GALNTL6: variants seen among roughly 807,000 people sequenced by gnomAD.
GALNTL6 encodes polypeptide N-acetylgalactosaminyltransferase like 6, also known as polypeptide N-acetylgalactosaminyltransferase-like 6.
In GALNTL6, 46 loss-of-function variants were observed where a neutral mutation model predicts 73.7. The observed-to-expected ratio is 0.62, with a 90% CI of 0.49 to 0.80. The LOEUF (loss-of-function observed/expected upper bound fraction) is 0.80. Ranked by LOEUF, GALNTL6 falls within the 30% of genes least tolerant of loss-of-function variation. GALNTL6 has a pLI of 0.00. For synonymous variants in GALNTL6, 259 were observed against 263.7 expected (o/e 0.98, Z 0.17); for missense variants, 604 against 755.0 (o/e 0.80, Z 2.34).
chr4:172,450,511 G>T (rs1171582138), intron 5 of GALNTL6, among the ~76,000 whole-genome samples: 1 of 152,134 alleles, frequency 6.6e-6, no homozygotes, highest in South Asian at 2.1e-4. Context: ...CTTGCATTTA[G>T]TTCAACGTAC....
At chr4:172,276,410 A>G (rs1738834657) in intron 3 of GALNTL6, among the ~76,000 whole-genome samples, 1 of 152,140 alleles carries the variant, frequency 6.6e-6, no homozygotes, top group Non-Finnish European at 1.5e-5. Context: ...TTATCTAACT[A>G]TTGCTTTTTT....
chr4:171,966,043 C>T (rs1460604059), intron 2 of GALNTL6, among the ~76,000 whole-genome samples: 2 of 152,150 alleles, frequency 1.3e-5, no homozygotes, highest in Non-Finnish European at 2.9e-5. Context: ...AGGGTGTCAT[C>T]TCTTATCTTT....
chr4:172,476,369 A>T (rs906203463), intron 5 of GALNTL6, among the ~76,000 whole-genome samples: 1 of 152,184 alleles, frequency 6.6e-6, no homozygotes, highest in Non-Finnish European at 1.5e-5. Flanking sequence ...CAAAGGCCCC[A>T]CATCCCGATA....
chr4:172,322,393 A>T (rs766446774), intron 4 of GALNTL6, among the ~76,000 whole-genome samples: 2 of 152,192 alleles, frequency 1.3e-5, no homozygotes, highest in Admixed American at 6.5e-5. Context: ...AGACCCATAC[A>T]AATTCACCAC....
chr4:172,793,422 G>A (rs752617496), intron 5 of GALNTL6, among the ~76,000 whole-genome samples: 12 of 152,172 alleles, frequency 7.9e-5, no homozygotes, highest in South Asian at 6.2e-4. Context: ...TTGTCTGTCC[G>A]AAGACAGTGG....
chr4:172,518,804 G>A (rs1053920076), intron 5 of GALNTL6, among the ~76,000 whole-genome samples: 35 of 151,766 alleles, frequency 2.3e-4, no homozygotes, highest in African/African-American at 7.7e-4. Flanking sequence ...TGTAATTAAG[G>A]TATAGTTATT....
chr4:172,306,779 C>T (rs1346826201), intron 3 of GALNTL6, among the ~76,000 whole-genome samples: 1 of 152,232 alleles, frequency 6.6e-6, no homozygotes, highest in African/African-American at 2.4e-5. Flanking sequence ...CAGGTTGCTA[C>T]AAATGCCATT....
chr4:172,925,844 G>A (rs548299617), intron 8 of GALNTL6, among the ~76,000 whole-genome samples: 6 of 152,274 alleles, frequency 3.9e-5, no homozygotes, highest in African/African-American at 1.4e-4. Context: ...TACAGTAAAT[G>A]TATGTTGTTT....
chr4:172,915,622 C>T (rs894903421), intron 8 of GALNTL6, among the ~76,000 whole-genome samples: 13 of 152,172 alleles, frequency 8.5e-5, no homozygotes, highest in African/African-American at 3.1e-4. Flanking sequence ...ATAAACACTT[C>T]TACGCAAATA....
intron 5 of GALNTL6, among the ~76,000 whole-genome samples, chr4:172,378,878 A>T (rs1743152240): frequency 6.6e-6 from 1 of 152,182 alleles, no homozygotes; most frequent in African/African-American, 2.4e-5. Context: ...TAATTTTATT[A>T]AGTGTTTTAT....
intron 2 of GALNTL6, among the ~76,000 whole-genome samples, chr4:172,218,923 G>C (rs1321000841): frequency 6.6e-6 from 1 of 151,576 alleles, no homozygotes; most frequent in African/African-American, 2.4e-5. Flanking sequence ...TAATAAATAA[G>C]TAAATAATAA....
At chr4:172,957,630 A>C (rs1343559627) in intron 10 of GALNTL6, among the ~76,000 whole-genome samples, 1 of 152,208 alleles carries the variant, frequency 6.6e-6, no homozygotes, top group Non-Finnish European at 1.5e-5. Flanking sequence ...GGCTTTGAGA[A>C]GCGTTTTTAT....
intron 2 of GALNTL6, among the ~76,000 whole-genome samples, chr4:172,161,030 A>G (rs1006156713): frequency 2.6e-5 from 4 of 151,896 alleles, no homozygotes; most frequent in Admixed American, 6.6e-5. Flanking sequence ...TGAAAGATGT[A>G]ATAATCAATG....
chr4:172,700,286 A>C (rs903324656), intron 5 of GALNTL6, among the ~76,000 whole-genome samples: 3 of 152,178 alleles, frequency 2.0e-5, no homozygotes, highest in African/African-American at 7.2e-5. Context: ...ATTGTTGAAG[A>C]AAAATGCAGT....
At chr4:171,906,848 A>T (rs1383891350) in intron 2 of GALNTL6, among the ~76,000 whole-genome samples, 2 of 152,198 alleles carry the variant, frequency 1.3e-5, no homozygotes, top group Non-Finnish European at 2.9e-5. Context: ...ATATACACAA[A>T]TCAATAAATG....
At chr4:172,515,978 AT>A (rs1307040692) in intron 5 of GALNTL6, among the ~76,000 whole-genome samples, 5 of 152,158 alleles carry the variant, frequency 3.3e-5, no homozygotes, top group African/African-American at 1.2e-4. Flanking sequence ...TAGTAACTCT[AT>A]ATGCATATCT....
intron 2 of GALNTL6, among the ~76,000 whole-genome samples, chr4:172,182,231 T>C (rs1413871768): frequency 6.6e-6 from 1 of 152,170 alleles, no homozygotes; most frequent in African/African-American, 2.4e-5. Context: ...CATGGAGAAC[T>C]ACAAACCACT....
chr4:172,092,152 C>T lies in GALNTL6; in HGVS notation c.139-137504C>T, dbSNP rs138591611. ...AAAGCATTCAGAAAAAAAGAAAGTA[C>T]CACAATAACGCAATTACTTATGGAC... On this transcript the variant is annotated intron_variant, in intron 2 of 12. Coordinates refer to ENST00000506823, the MANE Select transcript of GALNTL6 (RefSeq NM_001034845.3). Among the ~76,000 whole-genome samples the T allele has an allele frequency of 3.9e-3, 590 of 151,922 alleles. 3 individuals are homozygous for T. The highest frequency in any genetic ancestry group is 0.013 in the African/African-American group (554 of 41,440).
Position 172,546,029 on chromosome 4 carries a change from CAT to C in GALNTL6, c.553+197341_553+197342del, listed in dbSNP as rs747211746. Among the ~76,000 whole-genome samples the C allele has an allele frequency of 8.5e-5, 13 of 152,140 alleles. 1 individual carries two copies. The highest frequency in any genetic ancestry group is 1.6e-4 in the Non-Finnish European group (11 of 68,018). On this transcript the variant is annotated intron_variant, in intron 5 of 12. Coordinates refer to ENST00000506823, the MANE Select transcript of GALNTL6 (RefSeq NM_001034845.3). ...GGTGTTATTTTGAATGTTTTAAATA[CAT>C]GTGTATATATAAATATGTATGTATA...
Sources: allele counts gnomAD v4.1 joint callset (sites outside exome capture counted in the v4.1 genomes callset), GRCh38; gene constraint gnomAD v4.1.1; transcripts MANE v1.5; gene names NCBI Gene and HGNC (gene_info 2026-07-23, HGNC 2026-07-21).